The following UNC13C variants were observed in gnomAD, a reference collection of about 807,000 sequenced individuals.
UNC13C encodes unc-13 homolog C.
Under a neutral mutation model 245.4 loss-of-function variants are expected in UNC13C, and 174 were observed. The observed-to-expected ratio is 0.71, with a 90% CI of 0.63 to 0.80. UNC13C has a LOEUF of 0.80. UNC13C is among the 30% of genes least tolerant of loss of function. The probability of loss-of-function intolerance (pLI) is 0.00; values close to 1 mark genes in which losing one functional copy is unlikely to be tolerated. For synonymous variants in UNC13C, 992 were observed against 895.1 expected, an observed-to-expected ratio of 1.11 and a Z score of -1.93; for missense variants, 2,829 against 2,602.9, an observed-to-expected ratio of 1.09 and a Z score of -1.89.
At chr15:54,345,543 T>C (rs2038840566) in intron 17 of UNC13C, among the ~76,000 whole-genome samples, 2 of 152,208 alleles carry the variant, frequency 1.3e-5, no homozygotes, top group African/African-American at 4.8e-5. Flanking sequence ...TACCAGGTGG[T>C]GAAGGGCTGC....
rs2037546762 is a variant in UNC13C, at chr15:54,300,342, T to C, written c.4237T>C (p.Tyr1413His). The C allele has an allele frequency of 6.3e-7, 1 of 1,580,968 alleles. No homozygotes were observed. ...AATAGTTGATGAATTTGCTATGCGT[T>C]ATGGAATTGAATCCATTTATCAAGC... ...QEIVDEFAMR[Y>H]GIESIYQAMT... is the part of the protein sequence containing the mutation. The change falls in exon 13 of 33, where the codon TAT becomes CAT. Residue 1413 changes from tyrosine to histidine, a missense_variant. Transcript: ENST00000260323.
Position 54,627,290 on chromosome 15 carries a change from TCAGTGTTCCATGAAGTGCCAAA to T in UNC13C, c.*178_*199del, listed in dbSNP as rs1366778823. On this transcript the variant is annotated 3_prime_UTR_variant, in exon 33 of 33. Transcript: ENST00000260323. ...TATACCAATTCTGGTCTTTGGGAAA[TCAGTGTTCCATGAAGTGCCAAA>T]ATTATGATGTAAAGTGAAATATCAA... is the stretch of plus-strand genomic sequence containing the variant. 2 of 599,408 alleles carry T rather than the reference TCAGTGTTCCATGAAGTGCCAAA, an allele frequency of 3.3e-6. No individual in the cohort carries two copies. Among genetic ancestry groups the T allele is most frequent in the Non-Finnish European group, 5.3e-6 (2 of 376,152 alleles). The allele number at this position is 599,408 out of a possible 1,614,324, so 37.1% of individuals were successfully genotyped here. A position where few individuals can be genotyped will look rare whatever the true frequency, so the allele number is the denominator to read the frequency against.
At chr15:54,059,889 G>C (rs1897728626) in intron 2 of UNC13C, among the ~76,000 whole-genome samples, 1 of 152,162 alleles carries the variant, frequency 6.6e-6, no homozygotes, top group Admixed American at 6.5e-5. Context: ...TTTAATAAAT[G>C]GTGCTGGGAA....
chr15:53,997,911 T>TCCACCAGGAGG (rs1894708121), intron 1 of UNC13C, among the ~76,000 whole-genome samples: 1 of 152,004 alleles, frequency 6.6e-6, no homozygotes, highest in Non-Finnish European at 1.5e-5. Context: ...CAAGCTATCC[T>TCCACCAGGAGG]CCCACCTCAG....
chr15:54,442,060 A>C (rs1890555493), intron 19 of UNC13C, among the ~76,000 whole-genome samples: 1 of 151,990 alleles, frequency 6.6e-6, no homozygotes, highest in South Asian at 2.1e-4. Flanking sequence ...TATACATTTT[A>C]AGAATTTTCT....
intron 13 of UNC13C, among the ~76,000 whole-genome samples, chr15:54,316,335 G>A (rs1429714651): frequency 6.6e-6 from 1 of 151,550 alleles, no homozygotes; most frequent in Non-Finnish European, 1.5e-5. Flanking sequence ...TCTTTCCATA[G>A]TGCCTTGATT....
In UNC13C at chr15:54,134,616, T is replaced by C. The variant is rs560462673; in HGVS notation, c.2984-8402T>C. Among the ~76,000 whole-genome samples, 320 of 152,116 alleles carry C rather than the reference T, an allele frequency of 2.1e-3. 1 individual carries two copies. The highest frequency in any genetic ancestry group is 2.9e-3 in the Non-Finnish European group (197 of 67,972). ...CTCACTGCAAGCTCCGCCCCCAGGG[T>C]TCACGCCATTCTCCTGCCTTAGCCT... On this transcript the variant is annotated intron_variant, in intron 2 of 32. Transcript: ENST00000260323.
intron 18 of UNC13C, among the ~76,000 whole-genome samples, chr15:54,413,729 A>ATGTG (rs2040459976): frequency 6.6e-6 from 1 of 152,116 alleles, no homozygotes. Flanking sequence ...GTAGTTCTGT[A>ATGTG]TGTGTCAATA....
intron 2 of UNC13C, among the ~76,000 whole-genome samples, chr15:54,105,068 C>T (rs1029354410): frequency 6.6e-6 from 1 of 152,132 alleles, no homozygotes; most frequent in Non-Finnish European, 1.5e-5. Context: ...TACACCTGCT[C>T]CTATGGTTTC....
intron 20 of UNC13C, among the ~76,000 whole-genome samples, chr15:54,498,547 A>G (rs1894054358): frequency 6.6e-6 from 1 of 152,180 alleles, no homozygotes; most frequent in Non-Finnish European, 1.5e-5. Context: ...ATGAAAATTC[A>G]AAATGTTTTT....
At position 54,013,948 on chromosome 15, in the gene UNC13C, T is replaced by C. The variant is rs1895511461; in HGVS notation, c.1045T>C (p.Ser349Pro). Residue 349 changes from serine to proline, a missense_variant, in exon 2 of 33, where the codon TCA becomes CCA. Physicochemically the swap from Ser to Pro is moderately conservative, Grantham distance 74. Transcript: ENST00000260323. ...YQILIDKMGFSDAPNAIKIEF... is the reference protein window; with the variant it reads ...YQILIDKMGFPDAPNAIKIEF... ...AATTCTAATAGATAAAATGGGTTTT[T>C]CAGATGCACCAAATGCTATTAAAAT... 1 of 1,613,282 alleles carries C rather than the reference T, an allele frequency of 6.2e-7. No homozygotes were observed. The highest frequency in any genetic ancestry group is 1.7e-5 in the Admixed American group (1 of 59,802).
intron 17 of UNC13C, among the ~76,000 whole-genome samples, chr15:54,360,361 T>G (rs2039202620): frequency 6.6e-6 from 1 of 152,078 alleles, no homozygotes. Context: ...TCTTTGTTGA[T>G]TTTCTGCCTG....
intron 1 of UNC13C, among the ~76,000 whole-genome samples, chr15:53,990,758 G>A (rs1349401902): frequency 6.6e-6 from 1 of 151,974 alleles, no homozygotes; most frequent in African/African-American, 2.4e-5. Context: ...TTAACTGGGT[G>A]ACGATGTATT....
chr15:54,507,366 G>T (rs1226095595), intron 23 of UNC13C, among the ~76,000 whole-genome samples, 172 bp downstream of exon 23: 1 of 152,002 alleles, frequency 6.6e-6, no homozygotes, highest in Non-Finnish European at 1.5e-5. Context: ...TTTTAATACA[G>T]GATTTACAGG....
At chr15:54,005,116 A>T (rs924750548) in intron 1 of UNC13C, among the ~76,000 whole-genome samples, 1 of 152,168 alleles carries the variant, frequency 6.6e-6, no homozygotes, top group Non-Finnish European at 1.5e-5. Flanking sequence ...GGATATCCTG[A>T]TAAACCATTT....
intron 4 of UNC13C, among the ~76,000 whole-genome samples, chr15:54,202,931 T>C (rs549870735): frequency 6.6e-6 from 1 of 152,092 alleles, no homozygotes; most frequent in South Asian, 2.1e-4. Context: ...GACAAAGGAC[T>C]AATATCCAGA....
chr15:54,397,022 A>T (rs900743359), intron 18 of UNC13C, among the ~76,000 whole-genome samples: 1 of 151,278 alleles, frequency 6.6e-6, no homozygotes, highest in African/African-American at 2.4e-5. Context: ...GCGCATTTTT[A>T]AAAAAATTTT....
At chr15:54,618,375 G>A (rs1363352235) in intron 30 of UNC13C, among the ~76,000 whole-genome samples, 2 of 152,116 alleles carry the variant, frequency 1.3e-5, no homozygotes, top group African/African-American at 4.8e-5. Context: ...TTCACATGTA[G>A]GCTAATCCCT....
At chr15:54,226,886 C>A (rs987736389) in intron 4 of UNC13C, among the ~76,000 whole-genome samples, 1 of 152,114 alleles carries the variant, frequency 6.6e-6, no homozygotes, top group Non-Finnish European at 1.5e-5. Flanking sequence ...GTGTGTCAGA[C>A]CCCTGGCTCA....
Sources: gnomAD v4.1 joint callset for allele counts (sites outside exome capture counted in the v4.1 genomes callset) on GRCh38, gnomAD v4.1.1 for gene constraint, MANE v1.5 for transcripts, NCBI Gene and HGNC (gene_info 2026-07-23, HGNC 2026-07-21) for gene names.